SERBP1: variants seen among roughly 807,000 people sequenced by gnomAD.
The protein encoded by SERBP1 is SERPINE1 mRNA-binding protein 1.
Under a neutral mutation model 50.2 loss-of-function variants are expected in SERBP1, and 6 were observed. That is an observed-to-expected ratio of 0.12 (90% CI 0.07 to 0.24). SERBP1 has a LOEUF of 0.24. SERBP1 is among the 10% of genes least tolerant of loss of function. The pLI, the probability that SERBP1 is intolerant of heterozygous loss-of-function variation, is 1.00. For synonymous variants in SERBP1, 168 were observed against 182.8 expected, an observed-to-expected ratio of 0.92 and a Z score of 0.65; for missense variants, 346 against 524.9, an observed-to-expected ratio of 0.66 and a Z score of 3.33.
At chr1:67,423,175 T>G (rs1338864091) in intron 5 of SERBP1, among the ~76,000 whole-genome samples, 1 of 151,404 alleles carries the variant, frequency 6.6e-6, no homozygotes, top group African/African-American at 2.4e-5. Flanking sequence ...GGCGGGTGCC[T>G]GTAATCCCAG....
chr1:67,417,693 T>G (rs1646930208), intron 6 of SERBP1, among the ~76,000 whole-genome samples: 1 of 152,120 alleles, frequency 6.6e-6, no homozygotes, highest in South Asian at 2.1e-4. Context: ...TTATATTTTT[T>G]GTAGAAACAG....
At chr1:67,419,399 C>T (rs1025435086) in intron 6 of SERBP1, among the ~76,000 whole-genome samples, 2 of 152,182 alleles carry the variant, frequency 1.3e-5, no homozygotes, top group Non-Finnish European at 2.9e-5. Flanking sequence ...GGGGTCAGTG[C>T]CCCTAGCATC....
intron 5 of SERBP1, among the ~76,000 whole-genome samples, chr1:67,422,847 G>C (rs1270045834): frequency 6.6e-6 from 1 of 151,868 alleles, no homozygotes; most frequent in Non-Finnish European, 1.5e-5. Flanking sequence ...TGTAATCCCA[G>C]TTACTCGGGA....
At chr1:67,424,468 T>C in intron 4 of SERBP1, 191 bp from the exon 5 acceptor site, 1 of 635,216 alleles carries the variant, frequency 1.6e-6, no homozygotes, top group African/African-American at 1.9e-5. Context: ...AAGTAAACAA[T>C]ATAAACTAGT....
At chr1:67,428,480 T>C (rs1667459091) in intron 1 of SERBP1, among the ~76,000 whole-genome samples, 1 of 151,342 alleles carries the variant, frequency 6.6e-6, no homozygotes, top group South Asian at 2.1e-4. Context: ...GTGTACTTTC[T>C]TAAGCTTAAG....
In SERBP1 at chr1:67,430,369, C is replaced by T. The variant is rs1667540053; in HGVS notation, c.-69G>A. The T allele has an allele frequency of 6.2e-6, 9 of 1,441,120 alleles. No homozygotes were observed. The South Asian group carries it at 1.3e-4, about 20-fold the overall frequency. 89.3% of individuals were successfully genotyped at this position (1,441,120 alleles called of 1,614,324 possible). A position where few individuals can be genotyped will look rare whatever the true frequency, so the allele number is the denominator to read the frequency against. ...CGCGCCGAGCCAAGAGCGCCTGCTT[C>T]AGCTCTTCCCACAAGATGGCCGGGC... On this transcript the variant is annotated 5_prime_UTR_variant, in exon 1 of 8. Coordinates refer to ENST00000361219, the MANE Select transcript of SERBP1 (RefSeq NM_001018069.2).
At chr1:67,413,520 G>A (rs1188375776) in intron 7 of SERBP1, among the ~76,000 whole-genome samples, 2 of 151,906 alleles carry the variant, frequency 1.3e-5, no homozygotes, top group African/African-American at 2.4e-5. Context: ...TGTGGTGGCA[G>A]GCACCTGTGA....
At chr1:67,425,291 G>T in intron 2 of SERBP1, 68 bp from the exon 3 acceptor site, 1 of 1,415,672 alleles carries the variant, frequency 7.1e-7, no homozygotes, top group Non-Finnish European at 9.5e-7. Context: ...TCATCCAAAA[G>T]ATCAAAAATA....
At chr1:67,425,039 A>G (rs1207524114) in intron 3 of SERBP1, 44 bp downstream of exon 3, 2 of 1,591,986 alleles carry the variant, frequency 1.3e-6, no homozygotes, top group African/African-American at 1.4e-5. Context: ...TGTTTATTAA[A>G]TAGATTAAAA....
At chr1:67,429,383 C>T (rs369891904) in intron 1 of SERBP1, 3 of 152,334 alleles carry the variant, frequency 2.0e-5, no homozygotes, top group Non-Finnish European at 2.9e-5. Flanking sequence ...TGAGAAAGTC[C>T]TAACAGTTGA....
chr1:67,417,983 T>TTTG, intron 6 of SERBP1, among the ~76,000 whole-genome samples: 1 of 140,654 alleles, frequency 7.1e-6, no homozygotes, highest in Non-Finnish European at 1.6e-5. Flanking sequence ...TTTTTTTTTT[T>TTTG]TTTTTTTTTT....
chr1:67,415,076 A>C (rs575785641), intron 7 of SERBP1, 90 bp downstream of exon 7: 7 of 1,376,204 alleles, frequency 5.1e-6, no homozygotes, highest in Non-Finnish European at 6.8e-6. Context: ...ACTTCTACTT[A>C]TGTTCCCAAA....
At chr1:67,421,223 CA>C (rs1256957805) in intron 5 of SERBP1, among the ~76,000 whole-genome samples, 1 of 151,984 alleles carries the variant, frequency 6.6e-6, no homozygotes, top group African/African-American at 2.4e-5. Context: ...AGTCATTTTA[CA>C]GATGAGAAAT....
At position 67,410,160 on chromosome 1, in the gene SERBP1, C is replaced by T. The variant is rs1387111844; in HGVS notation, c.*3047G>A. On this transcript the variant is annotated 3_prime_UTR_variant, in exon 8 of 8. Coordinates refer to ENST00000361219, the MANE Select transcript of SERBP1 (RefSeq NM_001018069.2). The stretch of plus-strand genomic sequence containing the variant: ...ACATCAGTTAGGTTCTAGTAACTTC[C>T]TATTTCTCATTCCTTTGAACCTTTT... 6.6e-6 allele frequency: 1 copy of T among 152,154 alleles called. No homozygotes were observed. The highest frequency in any genetic ancestry group is 1.9e-4 in the East Asian group (1 of 5,196). 9.4% of individuals were successfully genotyped at this position (152,154 alleles called of 1,614,324 possible).
intron 5 of SERBP1, among the ~76,000 whole-genome samples, chr1:67,423,080 A>G (rs11209066): frequency 0.61 from 91,807 of 150,866 alleles, 28,681 homozygotes; most frequent in Non-Finnish European, 0.68. Context: ...TTGGGAGGCC[A>G]AGGAGGGTGG....
intron 6 of SERBP1, among the ~76,000 whole-genome samples, chr1:67,418,662 G>A (rs1466789913): frequency 6.6e-6 from 1 of 151,968 alleles, no homozygotes; most frequent in East Asian, 1.9e-4. Context: ...AGGAGGTTGA[G>A]ACACAAGAAC....
At chr1:67,414,837 A>C (rs752870635) in intron 7 of SERBP1, among the ~76,000 whole-genome samples, 2 of 152,220 alleles carry the variant, frequency 1.3e-5, no homozygotes. Context: ...AGTTAACCTG[A>C]TTCACTATAC....
chr1:67,417,714 T>C (rs1477275985), intron 6 of SERBP1, among the ~76,000 whole-genome samples: 4 of 152,138 alleles, frequency 2.6e-5, no homozygotes, highest in Non-Finnish European at 2.9e-5. Flanking sequence ...GGTTTTGCCA[T>C]GTTACCCAGG....
Position 67,412,501 on chromosome 1 carries a change from G to A in SERBP1, c.*706C>T, listed in dbSNP as rs1350808315. 6.6e-6 allele frequency: 1 copy of A among 152,578 alleles called. No homozygotes were observed. Among genetic ancestry groups the A allele is most frequent in the Non-Finnish European group, 1.5e-5 (1 of 68,044 alleles). 9.5% of individuals were successfully genotyped at this position (152,578 alleles called of 1,614,324 possible). ...TAAATATAGCTGAAAATGTAAATCAGTTATAATTTGAACCTAATGAGCCAT... is the reference window on the plus strand; with the variant it reads ...TAAATATAGCTGAAAATGTAAATCAATTATAATTTGAACCTAATGAGCCAT... On this transcript the variant is annotated 3_prime_UTR_variant, in exon 8 of 8. Transcript: ENST00000361219.
Sources: gnomAD v4.1 joint callset for allele counts (sites outside exome capture counted in the v4.1 genomes callset) on GRCh38, gnomAD v4.1.1 for gene constraint, MANE v1.5 for transcripts, NCBI Gene and HGNC (gene_info 2026-07-23, HGNC 2026-07-21) for gene names.